ACYP2: variants seen among roughly 807,000 people sequenced by gnomAD.
ACYP2 encodes acylphosphatase-2.
A neutral mutation model predicts 11.2 loss-of-function variants in ACYP2; 12 were observed. The observed-to-expected ratio is 1.08, with a 90% CI of 0.69 to 1.74. The LOEUF (loss-of-function observed/expected upper bound fraction) is 1.74. Among genes scored for constraint, ACYP2 ranks in the 40% most tolerant of loss-of-function variants. ACYP2 has a pLI of 0.00. For synonymous variants in ACYP2, 43 were observed against 32.2 expected (o/e 1.33, Z -1.13); for missense variants, 134 against 101.9 (o/e 1.31, Z -1.35).
At chr2:53,979,423 T>C (rs1449909530) in intron 2 of ACYP2, among the ~76,000 whole-genome samples, 1 of 151,866 alleles carries the variant, frequency 6.6e-6, no homozygotes, top group Non-Finnish European at 1.5e-5. Context: ...GATCAAGAAA[T>C]TGAGACCATC....
At chr2:54,301,799 A>G (rs779263014) in intron 6 of ACYP2, among the ~76,000 whole-genome samples, 6 of 152,184 alleles carry the variant, frequency 3.9e-5, no homozygotes, top group Non-Finnish European at 5.9e-5. Flanking sequence ...CCTCAGCCAC[A>G]CTTACCAAAG....
chr2:54,241,167 G>A (rs1231145316), intron 6 of ACYP2, among the ~76,000 whole-genome samples: 1 of 152,102 alleles, frequency 6.6e-6, no homozygotes, highest in Non-Finnish European at 1.5e-5. Context: ...TGACAAGGCA[G>A]GAAAAACATT....
At chr2:53,996,570 G>A (rs1672585174) in intron 2 of ACYP2, among the ~76,000 whole-genome samples, 1 of 152,184 alleles carries the variant, frequency 6.6e-6, no homozygotes. Context: ...TGTTAATGCT[G>A]CCATGATCAG....
intron 6 of ACYP2, among the ~76,000 whole-genome samples, chr2:54,215,352 T>C (rs186462849): frequency 6.6e-6 from 1 of 152,354 alleles, no homozygotes; most frequent in African/African-American, 2.4e-5. Context: ...GCTTCCAGCT[T>C]TTGCCTATTG....
intron 6 of ACYP2, among the ~76,000 whole-genome samples, chr2:54,151,433 G>C (rs1682166524): frequency 6.6e-6 from 1 of 152,120 alleles, no homozygotes; most frequent in African/African-American, 2.4e-5. Flanking sequence ...AAGGTACTTT[G>C]CTAATATTTT....
intron 4 of ACYP2, among the ~76,000 whole-genome samples, chr2:54,077,109 C>A (rs1677382117): frequency 1.3e-5 from 2 of 152,130 alleles, no homozygotes; most frequent in Admixed American, 1.3e-4. Flanking sequence ...CATTTAGATT[C>A]TCTATCTTGG....
chr2:54,272,403 C>A (rs1216309056), intron 6 of ACYP2, among the ~76,000 whole-genome samples: 1 of 152,194 alleles, frequency 6.6e-6, no homozygotes, highest in Non-Finnish European at 1.5e-5. Flanking sequence ...GCTGAATCCG[C>A]TCGCCTGCAT....
chr2:54,155,620 GGT>G (rs1437454831), intron 6 of ACYP2, among the ~76,000 whole-genome samples: 1 of 152,118 alleles, frequency 6.6e-6, no homozygotes, highest in Non-Finnish European at 1.5e-5. Flanking sequence ...GATGATCTGA[GGT>G]GGAACAGTTT....
chr2:54,301,316 A>G lies in ACYP2; in HGVS notation c.405-3372A>G, dbSNP rs534622814. Among the ~76,000 whole-genome samples the G allele has an allele frequency of 5.3e-5, 8 of 152,266 alleles. No individual in the cohort carries two copies. In the East Asian group the frequency reaches 1.5e-3, roughly 29 times the overall value. On this transcript the variant is annotated intron_variant, in intron 6 of 6. Coordinates refer to ENST00000607452, the MANE Select transcript of ACYP2 (RefSeq NM_001320586.2). ...ACCAAAACACTAATGTCTTCCTTAAAACTTAGCTCAAATGTCATTGCTCTC... is the reference window on the plus strand; with the variant it reads ...ACCAAAACACTAATGTCTTCCTTAAGACTTAGCTCAAATGTCATTGCTCTC...
chr2:54,026,265 G>C (rs1339139090), intron 2 of ACYP2, among the ~76,000 whole-genome samples: 1 of 152,072 alleles, frequency 6.6e-6, no homozygotes, highest in Non-Finnish European at 1.5e-5. Context: ...CTAAGGACAT[G>C]AATAGACAGT....
chr2:54,034,772 A>G (rs1050424841), intron 2 of ACYP2, among the ~76,000 whole-genome samples: 1 of 152,130 alleles, frequency 6.6e-6, no homozygotes, highest in East Asian at 1.9e-4. Context: ...GCACTTTGGG[A>G]GGCCGAGGCG....
intron 6 of ACYP2, chr2:54,167,152 T>C (rs1455299591): frequency 6.6e-6 from 1 of 152,170 alleles, no homozygotes; most frequent in Non-Finnish European, 1.5e-5. Flanking sequence ...AAGCACCCAG[T>C]GTATCACCAC....
At chr2:54,174,358 T>A (rs1393911105) in intron 6 of ACYP2, among the ~76,000 whole-genome samples, 1 of 152,180 alleles carries the variant, frequency 6.6e-6, no homozygotes, top group African/African-American at 2.4e-5. Context: ...TGCTTGTGAT[T>A]TTTGCACATT....
At chr2:54,080,883 C>T (rs1308125351) in intron 4 of ACYP2, among the ~76,000 whole-genome samples, 3 of 152,128 alleles carry the variant, frequency 2.0e-5, no homozygotes, top group African/African-American at 7.2e-5. Context: ...GCCTCGACCT[C>T]CCAAAGTGAT....
intron 6 of ACYP2, among the ~76,000 whole-genome samples, chr2:54,208,344 C>T (rs994478298): frequency 1.3e-5 from 2 of 151,962 alleles, no homozygotes; most frequent in Non-Finnish European, 2.9e-5. Flanking sequence ...CTAATTTTTA[C>T]TTTCTGTGGG....
intron 6 of ACYP2, among the ~76,000 whole-genome samples, 180 bp from the exon 4 acceptor site, chr2:54,304,508 A>G (rs1689843267): frequency 6.6e-6 from 1 of 152,138 alleles, no homozygotes. Context: ...ATTTAATTAT[A>G]CATTATACTC....
At chr2:54,114,510 C>T (rs1381426779) in intron 4 of ACYP2, among the ~76,000 whole-genome samples, 1 of 151,962 alleles carries the variant, frequency 6.6e-6, no homozygotes, top group African/African-American at 2.4e-5. Context: ...ATGGTGAAAC[C>T]CCGTCTCCAC....
intron 6 of ACYP2, among the ~76,000 whole-genome samples, chr2:54,158,185 C>G (rs116776727): frequency 0.014 from 2,064 of 145,760 alleles, 48 homozygotes; most frequent in African/African-American, 0.05. Flanking sequence ...ACCACCACGC[C>G]CAGTTAACTT....
intron 6 of ACYP2, among the ~76,000 whole-genome samples, chr2:54,299,708 C>A (rs1689651137): frequency 6.6e-6 from 1 of 152,154 alleles, no homozygotes; most frequent in Non-Finnish European, 1.5e-5. Flanking sequence ...CTCCTTCACC[C>A]ACTCCGGGAA....
Sources: allele counts gnomAD v4.1 joint callset (sites outside exome capture counted in the v4.1 genomes callset), GRCh38; gene constraint gnomAD v4.1.1; transcripts MANE v1.5; gene names NCBI Gene and HGNC (gene_info 2026-07-23, HGNC 2026-07-21).